COG6: variants seen among roughly 807,000 people sequenced by gnomAD.
COG6 encodes the protein component of oligomeric golgi complex 6, also known as conserved oligomeric Golgi complex subunit 6.
Under a neutral mutation model 88.8 loss-of-function variants are expected in COG6, and 74 were observed. That is an observed-to-expected ratio of 0.83 (90% confidence interval 0.69 to 1.01). The LOEUF is 1.01. Ranked by LOEUF, COG6 falls within the 50% of genes least tolerant of loss-of-function variation. COG6 has a pLI of 0.00. For missense variants in COG6, 800 were observed against 797.9 expected (o/e 1.00, Z -0.03); for synonymous variants, 286 against 278.7 (o/e 1.03, Z -0.26).
chr13:39,668,787 CAA>C (rs58876374), intron 4 of COG6, among the ~76,000 whole-genome samples: 18 of 89,526 alleles, frequency 2.0e-4, no homozygotes, highest in Admixed American at 2.6e-4. Flanking sequence ...GACTCCGTCT[CAA>C]AAAAAAAAAA....
At chr13:39,706,728 G>C (rs961289912) in intron 13 of COG6, among the ~76,000 whole-genome samples, 2 of 152,138 alleles carry the variant, frequency 1.3e-5, no homozygotes, top group African/African-American at 4.8e-5. Context: ...CTGTCGTCCA[G>C]GCTGGAGTTC....
chr13:39,725,013 C>T (rs991787734), intron 17 of COG6, among the ~76,000 whole-genome samples: 1 of 151,568 alleles, frequency 6.6e-6, no homozygotes, highest in East Asian at 1.9e-4. Flanking sequence ...ACTTTATTAC[C>T]TTCCTTCTTT....
intron 18 of COG6, among the ~76,000 whole-genome samples, chr13:39,733,813 C>T (rs774508113): frequency 1.1e-4 from 17 of 152,242 alleles, no homozygotes; most frequent in Non-Finnish European, 2.4e-4. Context: ...GCTTTGATCT[C>T]ATTACTTGTT....
intron 8 of COG6, among the ~76,000 whole-genome samples, chr13:39,686,854 C>T (rs1412338951): frequency 1.3e-5 from 2 of 151,858 alleles, no homozygotes; most frequent in South Asian, 2.1e-4. Context: ...CTCAGCCTTC[C>T]GAGTAGCTGG....
chr13:39,744,152 G>T (rs977496756), intron 18 of COG6, among the ~76,000 whole-genome samples: 4 of 152,134 alleles, frequency 2.6e-5, no homozygotes, highest in Non-Finnish European at 5.9e-5. Context: ...ATATCATACT[G>T]AACAGGCAAA....
At chr13:39,659,089 C>A (rs1874719843) in intron 1 of COG6, among the ~76,000 whole-genome samples, 1 of 151,860 alleles carries the variant, frequency 6.6e-6, no homozygotes, top group African/African-American at 2.4e-5. Flanking sequence ...TTAACCAATC[C>A]CTTTTAGATG....
At chr13:39,750,845 G>A (rs1040192607) in intron 18 of COG6, 101 bp from the exon 19 acceptor site, 6 of 858,168 alleles carry the variant, frequency 7.0e-6, no homozygotes, top group Non-Finnish European at 1.1e-5. Flanking sequence ...TGATGATAAT[G>A]AAAATGAAAT....
intron 13 of COG6, among the ~76,000 whole-genome samples, chr13:39,712,035 T>A (rs946639791): frequency 5.3e-5 from 8 of 152,142 alleles, no homozygotes; most frequent in African/African-American, 1.9e-4. Context: ...AATTTTTGTA[T>A]TTTTAGTAGA....
chr13:39,728,471 C>CT (rs35333578), intron 18 of COG6, among the ~76,000 whole-genome samples: 57 of 146,868 alleles, frequency 3.9e-4, no homozygotes, highest in South Asian at 6.4e-4. Context: ...CTATGGACCA[C>CT]TTTTTTTTTT....
chr13:39,752,560 T>C lies in COG6; in HGVS notation c.*1467T>C. Reference sequence around the variant, plus strand: ...GATTGATACCTTGCTATGAGTGAATTCCTTTGTTTTATAGGGAAAATTTAT... The same window carrying C: ...GATTGATACCTTGCTATGAGTGAATCCCTTTGTTTTATAGGGAAAATTTAT... On this transcript the variant is annotated 3_prime_UTR_variant, in exon 19 of 19. Transcript: ENST00000455146. 2 of 1,250,634 alleles carry C rather than the reference T, an allele frequency of 1.6e-6. No homozygotes were observed. The highest frequency in any genetic ancestry group is 2.1e-6 in the Non-Finnish European group (2 of 960,096). 77.5% of individuals were successfully genotyped at this position (1,250,634 alleles called of 1,614,324 possible). A position where few individuals can be genotyped will look rare whatever the true frequency, so the allele number is the denominator to read the frequency against.
chr13:39,733,186 ATTC>A (rs1267251410), intron 18 of COG6, among the ~76,000 whole-genome samples: 1 of 150,610 alleles, frequency 6.6e-6, no homozygotes, highest in African/African-American at 2.4e-5. Context: ...AAAAGAAAGA[ATTC>A]TTTTTTTTTT....
At chr13:39,750,889 CTTAG>C in intron 18 of COG6, 53 bp from the exon 19 acceptor site, 1 of 1,358,456 alleles carries the variant, frequency 7.4e-7, no homozygotes. Context: ...TCTTACAATT[CTTAG>C]TAAATATATT....
intron 12 of COG6, among the ~76,000 whole-genome samples, chr13:39,696,837 A>C (rs893103356): frequency 6.6e-6 from 1 of 151,240 alleles, no homozygotes; most frequent in Non-Finnish European, 1.5e-5. Context: ...GAAGATATTT[A>C]GAAAGCAGTT....
intron 4 of COG6, among the ~76,000 whole-genome samples, chr13:39,676,387 A>G (rs1233057569): frequency 6.6e-6 from 1 of 152,196 alleles, no homozygotes; most frequent in East Asian, 1.9e-4. Context: ...AAAATAAGAT[A>G]AATATTAAGA....
intron 13 of COG6, among the ~76,000 whole-genome samples, chr13:39,708,354 G>A (rs965989945): frequency 1.3e-5 from 2 of 152,162 alleles, no homozygotes; most frequent in African/African-American, 4.8e-5. Flanking sequence ...TCTTAGTCAT[G>A]TATTAGATTA....
At chr13:39,735,098 A>G (rs1879664179) in intron 18 of COG6, among the ~76,000 whole-genome samples, 1 of 151,758 alleles carries the variant, frequency 6.6e-6, no homozygotes, top group Non-Finnish European at 1.5e-5. Flanking sequence ...TAGTCCATTT[A>G]CATTGTGTTA....
chr13:39,663,671 G>C (rs1035185107), intron 3 of COG6, among the ~76,000 whole-genome samples: 1 of 152,110 alleles, frequency 6.6e-6, no homozygotes, highest in African/African-American at 2.4e-5. Context: ...GGCTGAGGCA[G>C]AATGATCCTT....
At chr13:39,686,784 T>G (rs1876668544) in intron 8 of COG6, among the ~76,000 whole-genome samples, 1 of 152,060 alleles carries the variant, frequency 6.6e-6, no homozygotes, top group African/African-American at 2.4e-5. Flanking sequence ...GGCTGGAGTA[T>G]AGTGGAGCAG....
chr13:39,684,485 C>T (rs1876524778), intron 8 of COG6, among the ~76,000 whole-genome samples: 1 of 151,646 alleles, frequency 6.6e-6, no homozygotes, highest in South Asian at 2.1e-4. Context: ...CTCCTGACCT[C>T]GTGATCCACC....
Sources: gnomAD v4.1 joint callset for allele counts (sites outside exome capture counted in the v4.1 genomes callset) on GRCh38, gnomAD v4.1.1 for gene constraint, MANE v1.5 for transcripts, NCBI Gene and HGNC (gene_info 2026-07-23, HGNC 2026-07-21) for gene names.